The following NRXN1 variants were observed in gnomAD, a reference collection of about 807,000 sequenced individuals.
The protein encoded by NRXN1 is neurexin 1, also known as neurexin-1.
Under a neutral mutation model 150.9 loss-of-function variants are expected in NRXN1, and 39 were observed. That is an observed-to-expected ratio of 0.26 (90% CI 0.20 to 0.34). NRXN1 has a LOEUF of 0.34. Among genes scored for constraint, NRXN1 ranks in the 10% least tolerant of loss-of-function variants. The pLI is 1.00. For synonymous variants in NRXN1, 924 were observed against 757.0 expected, an observed-to-expected ratio of 1.22 and a Z score of -3.62; for missense variants, 1,815 against 1,949.9, an observed-to-expected ratio of 0.93 and a Z score of 1.30.
intron 17 of NRXN1, among the ~76,000 whole-genome samples, chr2:50,394,410 C>T (rs113128201): frequency 6.6e-6 from 1 of 152,054 alleles, no homozygotes; most frequent in Non-Finnish European, 1.5e-5. Flanking sequence ...ACAAGTCTTC[C>T]GCTAATAACA....
Position 50,683,646 on chromosome 2 carries a change from A to AAAAAAAAAAATATATAT in NRXN1, c.833-60032_833-60031insATATATATTTTTTTTTT. Among the ~76,000 whole-genome samples, 9 of 14,896 alleles carry AAAAAAAAAAATATATAT rather than the reference A, an allele frequency of 6.0e-4. 1 individual carries two copies. The highest frequency in any genetic ancestry group is 9.8e-4 in the Non-Finnish European group (9 of 9,190). The allele number at this position is 14,896 out of a possible 152,430, so 9.8% of individuals were successfully genotyped here. On this transcript the variant is annotated intron_variant, in intron 5 of 22. Coordinates refer to ENST00000401669, the MANE Select transcript of NRXN1 (RefSeq NM_001330078.2). The stretch of plus-strand genomic sequence containing the variant: ...GACTCCGTCTCAAAAAAAAAAAAAA[A>AAAAAAAAAAATATATAT]ATATATATATATATATATATGTTAT...
chr2:50,179,230 G>T (rs149715071), intron 18 of NRXN1, among the ~76,000 whole-genome samples: 1,877 of 152,172 alleles, frequency 0.012, 14 homozygotes, highest in Non-Finnish European at 0.017. Context: ...CAGGGAGACG[G>T]TAGTAGATAT....
chr2:50,821,787 T>C (rs1270235460), intron 5 of NRXN1, among the ~76,000 whole-genome samples: 1 of 152,100 alleles, frequency 6.6e-6, no homozygotes, highest in African/African-American at 2.4e-5. Flanking sequence ...ATTACACTGA[T>C]TTAGCTCATA....
At chr2:50,532,104 G>C (rs1232864102) in intron 10 of NRXN1, among the ~76,000 whole-genome samples, 1 of 152,020 alleles carries the variant, frequency 6.6e-6, no homozygotes, top group Admixed American at 6.6e-5. Flanking sequence ...TCTCGCCCAG[G>C]TTCCCAAAAG....
intron 17 of NRXN1, among the ~76,000 whole-genome samples, chr2:50,307,534 G>A (rs78187699): frequency 0.087 from 13,172 of 152,128 alleles, 664 homozygotes; most frequent in Middle Eastern, 0.14. Context: ...AAATGGTAAT[G>A]GATTTAATTG....
intron 5 of NRXN1, among the ~76,000 whole-genome samples, chr2:50,688,658 G>A (rs1335631015): frequency 6.6e-6 from 1 of 152,016 alleles, no homozygotes; most frequent in Non-Finnish European, 1.5e-5. Context: ...ATCTTCTCAG[G>A]GACTTTCTTT....
At chr2:50,153,414 T>C (rs965586798) in intron 18 of NRXN1, among the ~76,000 whole-genome samples, 4 of 151,368 alleles carry the variant, frequency 2.6e-5, no homozygotes, top group Middle Eastern at 3.4e-3. Flanking sequence ...TGTTGAAAAA[T>C]GGACATTTGA....
intron 2 of NRXN1, among the ~76,000 whole-genome samples, chr2:50,976,225 G>C (rs1306499291): frequency 6.8e-6 from 1 of 147,998 alleles, no homozygotes; most frequent in Non-Finnish European, 1.5e-5. Context: ...AAACTCACTA[G>C]GTGCACAAAG....
At chr2:50,680,899 A>C (rs1690282711) in intron 5 of NRXN1, among the ~76,000 whole-genome samples, 1 of 152,180 alleles carries the variant, frequency 6.6e-6, no homozygotes, top group Non-Finnish European at 1.5e-5. Flanking sequence ...GCAAGCATTG[A>C]GACCTGCCTT....
chr2:50,161,978 G>C (rs943053498), intron 18 of NRXN1, among the ~76,000 whole-genome samples: 13 of 152,112 alleles, frequency 8.5e-5, no homozygotes, highest in African/African-American at 2.4e-4. Flanking sequence ...AAAAATGTTT[G>C]AAGTCATTGT....
chr2:50,795,266 T>G (rs1457247035), intron 5 of NRXN1, among the ~76,000 whole-genome samples: 1 of 152,132 alleles, frequency 6.6e-6, no homozygotes, highest in African/African-American at 2.4e-5. Context: ...CAAGGTCTCA[T>G]GTGATGCTGA....
At chr2:50,046,929 C>A (rs1421574) in intron 21 of NRXN1, among the ~76,000 whole-genome samples, 95,097 of 151,982 alleles carry the variant, frequency 0.63, 30,035 homozygotes, top group Middle Eastern at 0.67. Context: ...ATACAAAACT[C>A]AACTTCACTC....
chr2:50,669,964 A>T (rs947363421), intron 5 of NRXN1, among the ~76,000 whole-genome samples: 1 of 151,904 alleles, frequency 6.6e-6, no homozygotes, highest in African/African-American at 2.4e-5. Flanking sequence ...CTAATCCAAA[A>T]GGAGAACACA....
At chr2:50,318,469 C>A (rs139386423) in intron 17 of NRXN1, among the ~76,000 whole-genome samples, 108 of 152,120 alleles carry the variant, frequency 7.1e-4, no homozygotes, top group South Asian at 3.9e-3. Flanking sequence ...TGTGCATGAT[C>A]CAGAGTCACA....
intron 9 of NRXN1, among the ~76,000 whole-genome samples, chr2:50,545,075 C>T (rs1297179557): frequency 1.3e-5 from 2 of 152,008 alleles, no homozygotes; most frequent in African/African-American, 4.8e-5. Context: ...GGGAATTTTT[C>T]AACGCCAAAT....
intron 2 of NRXN1, among the ~76,000 whole-genome samples, chr2:51,017,943 G>A (rs1035116014): frequency 6.6e-6 from 1 of 152,048 alleles, no homozygotes; most frequent in African/African-American, 2.4e-5. Context: ...GAGAGCCCAG[G>A]CATGCTTAAT....
intron 15 of NRXN1, among the ~76,000 whole-genome samples, chr2:50,486,382 T>A (rs2090875147): frequency 6.6e-6 from 1 of 152,174 alleles, no homozygotes; most frequent in Non-Finnish European, 1.5e-5. Flanking sequence ...ACAATACCAC[T>A]CTATTGATGT....
chr2:50,476,244 T>A (rs2089976280), intron 15 of NRXN1, among the ~76,000 whole-genome samples: 1 of 152,230 alleles, frequency 6.6e-6, no homozygotes, highest in African/African-American at 2.4e-5. Context: ...GCCACTATGT[T>A]CCTCTCAAGA....
intron 19 of NRXN1, among the ~76,000 whole-genome samples, chr2:50,067,368 T>G (rs1695524250): frequency 6.6e-6 from 1 of 152,212 alleles, no homozygotes; most frequent in African/African-American, 2.4e-5. Context: ...GGATATTGTT[T>G]CATCAGATTA....
Sources: allele counts gnomAD v4.1 joint callset (sites outside exome capture counted in the v4.1 genomes callset), GRCh38; gene constraint gnomAD v4.1.1; transcripts MANE v1.5; gene names NCBI Gene and HGNC (gene_info 2026-07-23, HGNC 2026-07-21).